The following CDH11 variants were observed in gnomAD, a reference collection of about 807,000 sequenced individuals.
CDH11 encodes the protein cadherin-11.
In CDH11, 11 loss-of-function variants were observed where a neutral mutation model predicts 67.8. The observed-to-expected ratio is 0.16, with a 90% CI of 0.10 to 0.27. CDH11 has a LOEUF of 0.27. CDH11 is among the 10% of genes least tolerant of loss of function. The pLI, the probability that CDH11 is intolerant of heterozygous loss-of-function variation, is 1.00. For missense variants in CDH11, 847 were observed against 1,031.2 expected (o/e 0.82, Z 2.45); for synonymous variants, 419 against 400.0 (o/e 1.05, Z -0.57).
chr16:65,001,483 G>C (rs1219036595), intron 3 of CDH11, among the ~76,000 whole-genome samples: 2 of 152,126 alleles, frequency 1.3e-5, no homozygotes, highest in East Asian at 3.9e-4. Flanking sequence ...GAAGTTAAGG[G>C]CAAGGACATA....
At chr16:65,093,569 C>T (rs1171057088) in intron 1 of CDH11, among the ~76,000 whole-genome samples, 1 of 152,060 alleles carries the variant, frequency 6.6e-6, no homozygotes, top group Non-Finnish European at 1.5e-5. Flanking sequence ...TTGAAGGAGA[C>T]ATGATCCTTC....
At chr16:65,111,800 G>A (rs1295576171) in intron 1 of CDH11, among the ~76,000 whole-genome samples, 1 of 151,922 alleles carries the variant, frequency 6.6e-6, no homozygotes, top group East Asian at 1.9e-4. Context: ...AACAGGGCGC[G>A]GTGGTTCACG....
In CDH11 at chr16:64,971,625, G is replaced by C. The variant is rs764349192; in HGVS notation, c.1596C>G (p.Pro532=). ...AATTTGGATTGTGAATGATTTCAGG[G>C]GGTAGGCTGAAGATAAATCTTGGTC... is the stretch of plus-strand genomic sequence containing the variant. ...ANGPRFIFSL[P]PEIIHNPNFT... Residue 532 remains proline, a synonymous_variant, in exon 11 of 13, where the codon CCC becomes CCG. Coordinates refer to ENST00000268603, the MANE Select transcript of CDH11 (RefSeq NM_001797.4). The C allele has an allele frequency of 1.2e-6, 2 of 1,613,690 alleles. No individual in the cohort carries two copies.
intron 1 of CDH11, among the ~76,000 whole-genome samples, chr16:65,071,001 G>A (rs2074405558): frequency 6.6e-6 from 1 of 152,160 alleles, no homozygotes. Flanking sequence ...TTCTGAGGCA[G>A]GGACCAATCA....
intron 4 of CDH11, 48 bp from the exon 5 acceptor site, chr16:64,993,082 A>G: frequency 6.7e-7 from 1 of 1,501,806 alleles, no homozygotes; most frequent in Non-Finnish European, 9.3e-7. Flanking sequence ...AGATTTTCAA[A>G]TTATGTTCTT....
intron 4 of CDH11, among the ~76,000 whole-genome samples, chr16:64,997,634 C>A (rs2072808817): frequency 6.6e-6 from 1 of 152,022 alleles, no homozygotes; most frequent in Admixed American, 6.5e-5. Flanking sequence ...ATGGAAGAGA[C>A]AAAGGTGGGA....
chr16:65,036,671 T>C (rs2073761318), intron 2 of CDH11, among the ~76,000 whole-genome samples: 1 of 152,130 alleles, frequency 6.6e-6, no homozygotes, highest in East Asian at 1.9e-4. Context: ...TATGTTCTAC[T>C]AAGACAGACC....
chr16:64,972,970 T>G lies in CDH11; in HGVS notation c.1324A>C (p.Thr442Pro). The G allele has an allele frequency of 6.2e-7, 1 of 1,613,550 alleles. No homozygotes were observed. The highest frequency in any genetic ancestry group is 8.5e-7 in the Non-Finnish European group (1 of 1,179,532). ...TCCTCTCTATCCAGAGGTTTTGTAG[T>G]TTTAATAAAACCATCCTCTGGATTA... is the stretch of plus-strand genomic sequence containing the variant. The part of the protein sequence containing the change: ...TINPEDGFIK[T>P]TKPLDREETA... Residue 442 changes from threonine to proline, a missense_variant, in exon 9 of 13, where the codon ACT becomes CCT. Transcript: ENST00000268603.
chr16:65,012,344 T>C (rs2073200998), intron 2 of CDH11, among the ~76,000 whole-genome samples: 1 of 152,188 alleles, frequency 6.6e-6, no homozygotes, highest in African/African-American at 2.4e-5. Context: ...CAACCATTGA[T>C]TGTTTCAGCC....
At chr16:64,998,120 G>C (rs2072821748) in intron 4 of CDH11, among the ~76,000 whole-genome samples, 1 of 152,186 alleles carries the variant, frequency 6.6e-6, no homozygotes, top group South Asian at 2.1e-4. Flanking sequence ...GTGGTTAAAT[G>C]TGCATTTTAG....
intron 1 of CDH11, among the ~76,000 whole-genome samples, chr16:65,081,128 T>C (rs569225970): frequency 2.4e-4 from 37 of 152,312 alleles, no homozygotes; most frequent in Middle Eastern, 6.8e-3. Flanking sequence ...CTGTCTAAAT[T>C]CTATACCTCA....
intron 8 of CDH11, among the ~76,000 whole-genome samples, chr16:64,973,696 A>G (rs1323770367): frequency 1.3e-5 from 2 of 152,050 alleles, no homozygotes; most frequent in Non-Finnish European, 2.9e-5. Flanking sequence ...AATCCCAGTT[A>G]CTCGGGAGGC....
rs1188448210 is a variant in CDH11 at position 65,027,595 on chromosome 16, T to C, written c.-172-22554A>G. Among the ~76,000 whole-genome samples the C allele has an allele frequency of 2.6e-5, 4 of 152,250 alleles. No individual in the cohort carries two copies. In the East Asian group the frequency reaches 7.7e-4, roughly 29 times the overall value. ...ACGTAACAATACAGCAGAGTTACTG[T>C]AAACCATGAACTTGGGCAACAAGGA... On this transcript the variant is annotated intron_variant, in intron 2 of 12. Transcript: ENST00000268603.
intron 1 of CDH11, among the ~76,000 whole-genome samples, chr16:65,105,861 G>A (rs969101031): frequency 2.0e-5 from 3 of 152,168 alleles, no homozygotes; most frequent in Non-Finnish European, 4.4e-5. Context: ...ATTTTTCAAC[G>A]TTAAGCAAAG....
upstream of CDH11, among the ~76,000 whole-genome samples, chr16:65,122,675 C>G (rs1444701468): frequency 6.6e-6 from 1 of 152,040 alleles, no homozygotes. Flanking sequence ...CCCTTGCAAA[C>G]TCTTCTGGTG....
intron 2 of CDH11, among the ~76,000 whole-genome samples, chr16:65,016,745 G>A (rs1055092592): frequency 6.6e-6 from 1 of 152,206 alleles, no homozygotes; most frequent in East Asian, 1.9e-4. Flanking sequence ...GTGAAAGTAA[G>A]CTTATTAAGA....
rs1328875769 is a variant in CDH11 at position 64,949,968 on chromosome 16, C to CAT, written c.1894+797_1894+798dup. 5.9e-5 allele frequency among the ~76,000 whole-genome samples: 9 copies of CAT among 152,216 alleles called. No individual in the cohort carries two copies. In the East Asian group the frequency reaches 1.8e-3, roughly 30 times the overall value. ...GGCTTTTTCCTATGGAGTAAAGCTC[C>CAT]ATGAATTCATTCGAGGTAGGACCAA... On this transcript the variant is annotated intron_variant, in intron 12 of 12. Transcript: ENST00000268603.
At chr16:64,951,805 A>C (rs984393479) in intron 11 of CDH11, among the ~76,000 whole-genome samples, 4 of 152,148 alleles carry the variant, frequency 2.6e-5, no homozygotes, top group Non-Finnish European at 5.9e-5. Flanking sequence ...CATGCTTTAA[A>C]GAGAGGAACT....
chr16:64,970,647 T>C (rs2071980420), intron 11 of CDH11, among the ~76,000 whole-genome samples: 1 of 152,196 alleles, frequency 6.6e-6, no homozygotes. Flanking sequence ...GTGATAATAC[T>C]TACTAGAAAG....
Sources: allele counts gnomAD v4.1 joint callset (sites outside exome capture counted in the v4.1 genomes callset), GRCh38; gene constraint gnomAD v4.1.1; transcripts MANE v1.5; gene names NCBI Gene and HGNC (gene_info 2026-07-23, HGNC 2026-07-21).